The following CCDC24 variants were observed in gnomAD, a reference collection of about 807,000 sequenced individuals.
The protein encoded by CCDC24 is coiled-coil domain containing 24.
CCDC24 carries 34 observed loss-of-function variants against 31.6 expected under a neutral mutation model. The ratio of observed to expected loss-of-function variants is 1.08; its 90% confidence interval spans 0.82 to 1.43. The LOEUF is 1.43. CCDC24 is among the 40% of genes most tolerant of loss of function. The pLI is 0.00. For synonymous variants in CCDC24, 175 were observed against 157.3 expected, an observed-to-expected ratio of 1.11 and a Z score of -0.84; for missense variants, 426 against 391.1, an observed-to-expected ratio of 1.09 and a Z score of -0.75.
chr1:43,993,443 GAA>G (rs35911583), intron 4 of CCDC24, among the ~76,000 whole-genome samples: 7,413 of 146,720 alleles, frequency 0.051, 285 homozygotes, highest in Non-Finnish European at 0.081. Context: ...CTGTCTCTAA[GAA>G]AAAAAAAAAA....
chr1:43,996,212 C>G lies in CCDC24; in HGVS notation c.*52C>G. ...CTTCTGCCACAGCGCACCTGTCTGCCGCTGCCGCCTCAGCTGCTTTGGCCC... is the reference window on the plus strand; with the variant it reads ...CTTCTGCCACAGCGCACCTGTCTGCGGCTGCCGCCTCAGCTGCTTTGGCCC... On this transcript the variant is annotated 3_prime_UTR_variant, in exon 9 of 9. Transcript: ENST00000372318. 7.0e-7 allele frequency: 1 copy of G among 1,429,594 alleles called. No homozygotes were observed. The highest frequency in any genetic ancestry group is 9.3e-7 in the Non-Finnish European group (1 of 1,071,352). The allele number at this position is 1,429,594 out of a possible 1,614,324, so 88.6% of individuals were successfully genotyped here. A position where few individuals can be genotyped will look rare whatever the true frequency, so the allele number is the denominator to read the frequency against.
rs1571826831 is a variant in CCDC24 at position 43,996,202 on chromosome 1, A to C, written c.*42A>C. 1.4e-6 allele frequency: 2 copies of C among 1,465,180 alleles called. No individual in the cohort carries two copies. The allele number at this position is 1,465,180 out of a possible 1,614,324, so 90.8% of individuals were successfully genotyped here. ...TAGGCTCTGGCTTCTGCCACAGCGC[A>C]CCTGTCTGCCGCTGCCGCCTCAGCT... On this transcript the variant is annotated 3_prime_UTR_variant, in exon 9 of 9. Transcript: ENST00000372318.
rs374969299 is a variant in CCDC24, at chr1:43,995,917, C to T, written c.702-21C>T. On this transcript the variant is annotated intron_variant, in intron 8 of 8. Coordinates refer to ENST00000372318, the MANE Select transcript of CCDC24 (RefSeq NM_152499.4). This position sits in a 1 kb window ranked among gnomAD's most constrained non-coding sequence, Gnocchi z 4.3. Reference sequence around the variant, plus strand: ...TGAAGGATCAGACCACCACCCCTCACAGTTACTCTTTCTTGTCCAGGCAGC... The same window carrying T: ...TGAAGGATCAGACCACCACCCCTCATAGTTACTCTTTCTTGTCCAGGCAGC... 11 of 1,613,702 alleles carry T rather than the reference C, an allele frequency of 6.8e-6. No individual in the cohort carries two copies. The highest frequency in any genetic ancestry group is 6.7e-5 in the Admixed American group (4 of 60,008).
At position 43,991,639 on chromosome 1, in the gene CCDC24, T is replaced by C. The variant is rs2085744911; in HGVS notation, c.-140T>C. Reference sequence around the variant, plus strand: ...GCCCTGGTTCCCACTGCCTGGTTTCTGGGCCCCCGGCATCCGAGTCGGCCA... The same window carrying C: ...GCCCTGGTTCCCACTGCCTGGTTTCCGGGCCCCCGGCATCCGAGTCGGCCA... On this transcript the variant is annotated 5_prime_UTR_variant, in exon 1 of 9. Transcript: ENST00000372318. 1 of 709,246 alleles carries C rather than the reference T, an allele frequency of 1.4e-6. No individual in the cohort carries two copies. The highest frequency in any genetic ancestry group is 2.0e-5 in the Admixed American group (1 of 50,010). 43.9% of individuals were successfully genotyped at this position (709,246 alleles called of 1,614,324 possible).
intron 5 of CCDC24, chr1:43,994,876 T>C (rs2085805431): frequency 3.4e-6 from 2 of 585,382 alleles, no homozygotes; most frequent in Admixed American, 5.9e-5. Context: ...GAGAGAAGGA[T>C]GCCTGCCAGG....
In CCDC24 at chr1:43,995,207, G is replaced by A. The variant is rs563441641; in HGVS notation, c.552+45G>A. The stretch of plus-strand genomic sequence containing the variant: ...CCTCCCCCGAGCCTCACTGCTGAGC[G>A]TAGACTCTCACCTGGGTGAGACCCA... On this transcript the variant is annotated intron_variant, in intron 6 of 8. Coordinates refer to ENST00000372318, the MANE Select transcript of CCDC24 (RefSeq NM_152499.4). The surrounding 1 kb of genome is among the most constrained non-coding windows in gnomAD (Gnocchi z 4.3). 47 of 1,535,538 alleles carry A rather than the reference G, an allele frequency of 3.1e-5. No homozygotes were observed. The highest frequency in any genetic ancestry group is 6.0e-5 in the South Asian group (5 of 83,918).
Position 43,991,605 on chromosome 1 carries a change from G to A in CCDC24, c.-174G>A. On this transcript the variant is annotated 5_prime_UTR_variant, in exon 1 of 9. Coordinates refer to ENST00000372318, the MANE Select transcript of CCDC24 (RefSeq NM_152499.4). Reference sequence around the variant, plus strand: ...CGGGTGATGGCCACGCGGAAGAGGTGGGGCTAGGGCCCTGGTTCCCACTGC... The same window carrying A: ...CGGGTGATGGCCACGCGGAAGAGGTAGGGCTAGGGCCCTGGTTCCCACTGC... The A allele has an allele frequency of 1.4e-6, 1 of 700,836 alleles. No homozygotes were observed. Among genetic ancestry groups the A allele is most frequent in the Non-Finnish European group, 2.6e-6 (1 of 384,252 alleles). The allele number at this position is 700,836 out of a possible 1,614,324, so 43.4% of individuals were successfully genotyped here.
intron 1 of CCDC24, 21 bp downstream of exon 1, chr1:43,991,767 G>A: frequency 7.3e-7 from 1 of 1,361,934 alleles, no homozygotes; most frequent in Non-Finnish European, 1.0e-6. Flanking sequence ...GGAGAGGGCG[G>A]GGCCCATAGA....
At position 43,996,063 on chromosome 1, in the gene CCDC24, C is replaced by G. The variant is rs139890675; in HGVS notation, c.827C>G (p.Ser276Trp). 12 of 1,613,982 alleles carry G rather than the reference C, an allele frequency of 7.4e-6. No homozygotes were observed. The highest frequency in any genetic ancestry group is 2.7e-5 in the African/African-American group (2 of 74,938). The stretch of plus-strand genomic sequence containing the variant: ...CCCTACCTTCGACCTCGAGGCCAGT[C>G]GGCTACCCACCGCTGGGGACGGCAG... ...LEPYLRPRGQ[S>W]ATHRWGRQLQ... is the part of the protein sequence containing the mutation. Residue 276 changes from serine (S) to tryptophan (W), a missense_variant, in exon 9 of 9, where the codon TCG (serine) becomes TGG (tryptophan). Ser to Trp is a radical substitution (Grantham distance 177). Coordinates refer to ENST00000372318, the MANE Select transcript of CCDC24 (RefSeq NM_152499.4).
At chr1:43,994,505 A>G (rs1202945233) in intron 5 of CCDC24, 1 of 148,300 alleles carries the variant, frequency 6.7e-6, no homozygotes, top group Non-Finnish European at 1.4e-5. Context: ...CAGTGGCGTG[A>G]TCTTGGCTCA....
In CCDC24 at chr1:43,996,206, G is replaced by C; in HGVS notation, c.*46G>C. On this transcript the variant is annotated 3_prime_UTR_variant, in exon 9 of 9. Transcript: ENST00000372318. ...CTCTGGCTTCTGCCACAGCGCACCTGTCTGCCGCTGCCGCCTCAGCTGCTT... is the reference window on the plus strand; with the variant it reads ...CTCTGGCTTCTGCCACAGCGCACCTCTCTGCCGCTGCCGCCTCAGCTGCTT... 1 of 1,450,822 alleles carries C rather than the reference G, an allele frequency of 6.9e-7. No individual in the cohort carries two copies. The highest frequency in any genetic ancestry group is 9.2e-7 in the Non-Finnish European group (1 of 1,087,860). The allele number at this position is 1,450,822 out of a possible 1,614,324, so 89.9% of individuals were successfully genotyped here.
Position 43,995,947 on chromosome 1 carries a change from C to G in CCDC24, c.711C>G (p.Pro237=), listed in dbSNP as rs1258228410. The G allele has an allele frequency of 2.5e-6, 4 of 1,613,994 alleles. No individual in the cohort carries two copies. The highest frequency in any genetic ancestry group is 3.3e-5 in the Admixed American group (2 of 60,008). The stretch of plus-strand genomic sequence containing the variant: ...ACTCTTTCTTGTCCAGGCAGCGGCC[C>G]TTGGGGTCCTCCACACAGGGCCTCA... ...SCVSPNHRQR[P]LGSSTQGLRP... The change falls in exon 9 of 9, where the codon CCC becomes CCG. Residue 237 remains proline, a synonymous_variant. Coordinates refer to ENST00000372318, the MANE Select transcript of CCDC24 (RefSeq NM_152499.4). The surrounding 1 kb of genome is among the most constrained non-coding windows in gnomAD (Gnocchi z 4.3).
rs764930664 is a variant in CCDC24, at chr1:43,995,939, C to T, written c.703C>T (p.Gln235Ter). The change falls in exon 9 of 9, where the codon CAG becomes TAG. Residue 235 changes from glutamine (Q) to a stop codon, truncating the protein, a stop_gained and splice_region_variant. Coordinates refer to ENST00000372318, the MANE Select transcript of CCDC24 (RefSeq NM_152499.4). LOFTEE classifies it low-confidence loss of function (END_TRUNC). This position sits in a 1 kb window ranked among gnomAD's most constrained non-coding sequence, Gnocchi z 4.3. ...TCACAGTTACTCTTTCTTGTCCAGG[C>T]AGCGGCCCTTGGGGTCCTCCACACA... ...GPSCVSPNHR[Q>*]RPLGSSTQGL... 6.2e-7 allele frequency: 1 copy of T among 1,614,010 alleles called. No homozygotes were observed. The highest frequency in any genetic ancestry group is 8.5e-7 in the Non-Finnish European group (1 of 1,179,886).
chr1:43,996,181 C>T lies in CCDC24; in HGVS notation c.*21C>T. 6.5e-7 allele frequency: 1 copy of T among 1,527,442 alleles called. No individual in the cohort carries two copies. Among genetic ancestry groups the T allele is most frequent in the Non-Finnish European group, 8.8e-7 (1 of 1,135,906 alleles). 94.6% of individuals were successfully genotyped at this position (1,527,442 alleles called of 1,614,324 possible). A position where few individuals can be genotyped will look rare whatever the true frequency, so the allele number is the denominator to read the frequency against. On this transcript the variant is annotated 3_prime_UTR_variant, in exon 9 of 9. Transcript: ENST00000372318. Reference sequence around the variant, plus strand: ...CCTGAAGGGCTGGTCACCGAGTAGGCTCTGGCTTCTGCCACAGCGCACCTG... The same window carrying T: ...CCTGAAGGGCTGGTCACCGAGTAGGTTCTGGCTTCTGCCACAGCGCACCTG...
At position 43,995,880 on chromosome 1, in the gene CCDC24, G is replaced by C. The variant is rs1262780781; in HGVS notation, c.701+24G>C. The C allele has an allele frequency of 6.2e-7, 1 of 1,614,176 alleles. No homozygotes were observed. Among genetic ancestry groups the C allele is most frequent in the Admixed American group, 1.7e-5 (1 of 60,030 alleles). On this transcript the variant is annotated intron_variant, in intron 8 of 8. Coordinates refer to ENST00000372318, the MANE Select transcript of CCDC24 (RefSeq NM_152499.4). The surrounding 1 kb of genome is among the most constrained non-coding windows in gnomAD (Gnocchi z 4.3). ...AGGTAAACCACAACAGTAGACACAGGGCAGGGTGGACTGAAGGATCAGACC... is the reference window on the plus strand; with the variant it reads ...AGGTAAACCACAACAGTAGACACAGCGCAGGGTGGACTGAAGGATCAGACC...
rs1376227190 is a variant in CCDC24, at chr1:43,995,982, T to C, written c.746T>C (p.Leu249Pro). The change falls in exon 9 of 9, where the codon CTT becomes CCT. Residue 249 changes from leucine to proline, a missense_variant. Physicochemically the swap from Leu to Pro is moderately conservative, Grantham distance 98. Coordinates refer to ENST00000372318, the MANE Select transcript of CCDC24 (RefSeq NM_152499.4). The surrounding 1 kb of genome is among the most constrained non-coding windows in gnomAD (Gnocchi z 4.3). ...TCCACACAGGGCCTCAGACCCCCGC[T>C]TCCCCTCTGCGGGGTTGCACCTCTC... ...GSSTQGLRPPLPLCGVAPLQC... is the reference protein window; with the variant it reads ...GSSTQGLRPPPPLCGVAPLQC... 6.2e-7 allele frequency: 1 copy of C among 1,614,178 alleles called. No homozygotes were observed. Among genetic ancestry groups the C allele is most frequent in the Non-Finnish European group, 8.5e-7 (1 of 1,180,024 alleles).
At chr1:43,993,671 G>T in intron 4 of CCDC24, 3 of 383,192 alleles carry the variant, frequency 7.8e-6, no homozygotes, top group Non-Finnish European at 1.4e-5. Flanking sequence ...AAAAGGAAAA[G>T]AAACTAAAGC....
chr1:43,993,696 T>G, intron 4 of CCDC24, 191 bp from the exon 5 acceptor site: 1 of 524,160 alleles, frequency 1.9e-6, no homozygotes, highest in Non-Finnish European at 3.4e-6. Context: ...AAGCGATAAG[T>G]GATTTGCCTG....
chr1:43,992,232 G>GGGAT lies in CCDC24; in HGVS notation c.147_148insGGAT (p.Leu50GlyfsTer18). On this transcript the variant is annotated frameshift_variant, in exon 3 of 9. Transcript: ENST00000372318. LOFTEE classifies it high-confidence loss of function. ...TGCAGGTGGCGATGTTACGGGCACTGCTCCAAGAGGCTCGATCCTCTCAAG... is the reference window on the plus strand; with the variant it reads ...TGCAGGTGGCGATGTTACGGGCACTGGGATCTCCAAGAGGCTCGATCCTCTCAAG... The GGGAT allele has an allele frequency of 6.2e-7, 1 of 1,613,480 alleles. No homozygotes were observed. The highest frequency in any genetic ancestry group is 8.5e-7 in the Non-Finnish European group (1 of 1,179,736).
Sources: gnomAD v4.1 joint callset for allele counts (sites outside exome capture counted in the v4.1 genomes callset) on GRCh38, gnomAD v4.1.1 for gene constraint, Gnocchi (gnomAD v3.1) non-coding constraint, MANE v1.5 for transcripts, NCBI Gene and HGNC (gene_info 2026-07-23, HGNC 2026-07-21) for gene names.